Variants in TMEM184B observed in about 807,000 individuals in gnomAD.
The protein encoded by TMEM184B is putative MAPK-activating protein FM08.
A neutral mutation model predicts 41.8 loss-of-function variants in TMEM184B; 17 were observed. The ratio of observed to expected loss-of-function variants is 0.41; its 90% CI spans 0.28 to 0.61. The LOEUF (loss-of-function observed/expected upper bound fraction) is 0.61. Among genes scored for constraint, TMEM184B ranks in the 20% least tolerant of loss-of-function variants. TMEM184B has a pLI of 0.34. For synonymous variants in TMEM184B, 240 were observed against 229.5 expected, an observed-to-expected ratio of 1.05 and a Z score of -0.41; for missense variants, 393 against 557.8, an observed-to-expected ratio of 0.70 and a Z score of 2.98.
chr22:38,237,625 C>A (rs1296801637), intron 3 of TMEM184B, among the ~76,000 whole-genome samples: 3 of 152,242 alleles, frequency 2.0e-5, no homozygotes, highest in African/African-American at 7.2e-5. Context: ...CAGAAATCTT[C>A]TCTGCTCAGA....
At chr22:38,257,367 C>T (rs2092299168) in intron 1 of TMEM184B, among the ~76,000 whole-genome samples, 1 of 152,118 alleles carries the variant, frequency 6.6e-6, no homozygotes, top group African/African-American at 2.4e-5. Flanking sequence ...TTCAACAAAT[C>T]CTTTGCATAC....
intron 2 of TMEM184B, among the ~76,000 whole-genome samples, chr22:38,247,423 C>T (rs1032970264): frequency 1.1e-4 from 17 of 152,206 alleles, no homozygotes; most frequent in African/African-American, 3.6e-4. Flanking sequence ...TCGGAACCTG[C>T]GCTGCACTGG....
chr22:38,245,893 C>T (rs767568237), intron 3 of TMEM184B, 42 bp downstream of exon 3: 1 of 1,188,474 alleles, frequency 8.4e-7, no homozygotes, highest in Non-Finnish European at 1.2e-6. Flanking sequence ...TCCCAGCCCC[C>T]CAGCCCCCCG....
intron 1 of TMEM184B, among the ~76,000 whole-genome samples, chr22:38,268,248 G>A (rs2145791258): frequency 6.6e-6 from 1 of 152,110 alleles, no homozygotes; most frequent in East Asian, 1.9e-4. Flanking sequence ...AGGCATGATG[G>A]TGGGTGCCTG....
Position 38,272,866 on chromosome 22 carries a change from G to A in TMEM184B, c.-59+18C>T, listed in dbSNP as rs1602523633. On this transcript the variant is annotated intron_variant, in intron 1 of 8. Coordinates refer to ENST00000361906, the MANE Select transcript of TMEM184B (RefSeq NM_012264.5). ...CTCCCCCTTGGGGCTCCCGGGCGAG[G>A]CCGGCCAGGCGGGATACCTCAGGAG... 2.1e-6 allele frequency: 2 copies of A among 943,498 alleles called. No individual in the cohort carries two copies. Among genetic ancestry groups the A allele is most frequent in the East Asian group, 1.2e-4 (1 of 8,572 alleles). 58.4% of individuals were successfully genotyped at this position (943,498 alleles called of 1,614,324 possible). A position where few individuals can be genotyped will look rare whatever the true frequency, so the allele number is the denominator to read the frequency against.
chr22:38,224,688 A>T (rs535344060), intron 8 of TMEM184B, 97 bp downstream of exon 8: 1 of 1,307,760 alleles, frequency 7.6e-7, no homozygotes, highest in East Asian at 2.6e-5. Flanking sequence ...GTCCTGACCC[A>T]GCCGCACCTG....
chr22:38,266,940 G>A (rs1345551229), intron 1 of TMEM184B, among the ~76,000 whole-genome samples: 2 of 152,086 alleles, frequency 1.3e-5, no homozygotes, highest in South Asian at 2.1e-4. Context: ...AAAATTAGCC[G>A]GGCGCCGTGG....
intron 2 of TMEM184B, chr22:38,247,012 CT>C (rs1264042749): frequency 2.2e-6 from 1 of 453,314 alleles, no homozygotes; most frequent in Non-Finnish European, 3.8e-6. Context: ...CACGAGCAGA[CT>C]CACCCTGCCC....
At chr22:38,271,541 A>G (rs2092522902) in intron 1 of TMEM184B, among the ~76,000 whole-genome samples, 1 of 152,194 alleles carries the variant, frequency 6.6e-6, no homozygotes. Flanking sequence ...CTTCAGCTCA[A>G]CCGTCTCCTT....
chr22:38,259,091 C>T (rs1169729357), intron 1 of TMEM184B, among the ~76,000 whole-genome samples: 1 of 152,188 alleles, frequency 6.6e-6, no homozygotes, highest in Non-Finnish European at 1.5e-5. Flanking sequence ...GCTGGCCCCC[C>T]ATCAGAGACA....
chr22:38,218,016 G>A (rs2091171504), downstream of TMEM184B, among the ~76,000 whole-genome samples: 1 of 152,120 alleles, frequency 6.6e-6, no homozygotes, highest in Non-Finnish European at 1.5e-5. Context: ...TCCCTTTAGT[G>A]AACAGACAGT....
chr22:38,245,909 C>CCCCA, intron 3 of TMEM184B, 26 bp downstream of exon 3: 2 of 1,557,698 alleles, frequency 1.3e-6, no homozygotes, highest in Non-Finnish European at 1.8e-6. Context: ...CCCCGCCAGC[C>CCCCA]CTCCCCACTC....
Position 38,219,723 on chromosome 22 carries a change from G to A in TMEM184B, c.*1746C>T, listed in dbSNP as rs1424571556. Reference sequence around the variant, plus strand: ...TGGGAATCAGCAGCACTTTGGCCTGGAGGGAGAAGGGAAGCCACGGTGGAG... The same window carrying A: ...TGGGAATCAGCAGCACTTTGGCCTGAAGGGAGAAGGGAAGCCACGGTGGAG... On this transcript the variant is annotated 3_prime_UTR_variant, in exon 9 of 9. Transcript: ENST00000361906. The A allele has an allele frequency of 1.0e-6, 1 of 985,614 alleles. No homozygotes were observed. The highest frequency in any genetic ancestry group is 1.1e-4 in the East Asian group (1 of 8,824). 61.1% of individuals were successfully genotyped at this position (985,614 alleles called of 1,614,324 possible).
At position 38,237,173 on chromosome 22, in the gene TMEM184B, C is replaced by G. The variant is rs770009270; in HGVS notation, c.359-5839G>C. Among the ~76,000 whole-genome samples, 4 of 152,164 alleles carry G rather than the reference C, an allele frequency of 2.6e-5. No homozygotes were observed. The South Asian group carries it at 8.3e-4, about 32-fold the overall frequency. ...AAGGCTCTACATGTTCACATCCCCC[C>G]GCAACGGCCACCCTCATTCCCCCAC... On this transcript the variant is annotated intron_variant, in intron 3 of 8. Coordinates refer to ENST00000361906, the MANE Select transcript of TMEM184B (RefSeq NM_012264.5).
intron 1 of TMEM184B, among the ~76,000 whole-genome samples, chr22:38,272,334 A>C (rs1243270109): frequency 2.0e-5 from 3 of 152,140 alleles, no homozygotes. Flanking sequence ...TTTGGGGGCA[A>C]ACATCTTTCG....
Position 38,220,710 on chromosome 22 carries a change from G to A in TMEM184B, c.*759C>T. ...AAAGCTATCGAGGAAGGACCCAAGT[G>A]AGCCGGCAGTGCGGGCTGTGGGCTG... On this transcript the variant is annotated 3_prime_UTR_variant, in exon 9 of 9. Transcript: ENST00000361906. 1.0e-6 allele frequency: 1 copy of A among 986,332 alleles called. No homozygotes were observed. Among genetic ancestry groups the A allele is most frequent in the Non-Finnish European group, 1.2e-6 (1 of 830,260 alleles). 61.1% of individuals were successfully genotyped at this position (986,332 alleles called of 1,614,324 possible). A position where few individuals can be genotyped will look rare whatever the true frequency, so the allele number is the denominator to read the frequency against.
intron 8 of TMEM184B, among the ~76,000 whole-genome samples, chr22:38,224,270 A>T (rs2091356099): frequency 6.6e-6 from 1 of 151,864 alleles, no homozygotes; most frequent in South Asian, 2.1e-4. Flanking sequence ...ACCCGCCACC[A>T]CGCCCGGCTA....
intron 3 of TMEM184B, among the ~76,000 whole-genome samples, chr22:38,234,891 G>A (rs147482998): frequency 2.6e-5 from 4 of 152,302 alleles, no homozygotes; most frequent in African/African-American, 9.6e-5. Context: ...CTCCATGCCC[G>A]AATCTCCTCA....
Position 38,225,481 on chromosome 22 carries a change from T to G in TMEM184B, c.730A>C (p.Ser244Arg), listed in dbSNP as rs1304174605. The G allele has an allele frequency of 1.3e-6, 2 of 1,590,354 alleles. No individual in the cohort carries two copies. Among genetic ancestry groups the G allele is most frequent in the African/African-American group, 2.7e-5 (2 of 73,002 alleles). Reference protein sequence around the residue: ...FATRELLSPYSPVLKFFMVKS... With the variant: ...FATRELLSPYRPVLKFFMVKS... ...ACCATGAAGAACTTGAGGACGGGGC[T>G]GTAGGGGCTGAGCAGCTCCCGGGTG... Residue 244 changes from serine to arginine, a missense_variant, in exon 7 of 9, where the codon AGC (serine) becomes CGC (arginine). By Grantham distance (110) the Ser-to-Arg change is moderately radical (BLOSUM62 -1). Around this residue, in one of 2 missense-constraint regions of TMEM184B, gnomAD observed 271 missense variants for 434.1 expected, o/e 0.62. Coordinates refer to ENST00000361906, the MANE Select transcript of TMEM184B (RefSeq NM_012264.5). This position sits in a 1 kb window ranked among gnomAD's most constrained non-coding sequence, Gnocchi z 4.4.
Sources: allele counts gnomAD v4.1 joint callset (sites outside exome capture counted in the v4.1 genomes callset), GRCh38; gene constraint gnomAD v4.1.1; regional missense constraint gnomAD v4.1.1; non-coding constraint Gnocchi (gnomAD v3.1); transcripts MANE v1.5; gene names NCBI Gene and HGNC (gene_info 2026-07-23, HGNC 2026-07-21).